The following CRACD variants were observed in gnomAD, a reference collection of about 807,000 sequenced individuals.
The protein encoded by CRACD is capping protein-inhibiting regulator of actin dynamics.
CRACD carries 56 observed loss-of-function variants against 106.8 expected under a neutral mutation model. The ratio of observed to expected loss-of-function variants is 0.52; its 90% CI spans 0.42 to 0.66. CRACD has a LOEUF of 0.66. CRACD is among the 30% of genes least tolerant of loss of function. CRACD has a pLI of 0.00. For missense variants in CRACD, 1,730 were observed against 1,623.2 expected, an observed-to-expected ratio of 1.07 and a Z score of -1.13; for synonymous variants, 754 against 670.8, an observed-to-expected ratio of 1.12 and a Z score of -1.92.
chr4:56,128,076 G>T (rs1190784142), intron 1 of CRACD, among the ~76,000 whole-genome samples: 1 of 152,002 alleles, frequency 6.6e-6, no homozygotes, highest in Non-Finnish European at 1.5e-5. Flanking sequence ...AAATAAAATG[G>T]GAGTCGTCAC....
At chr4:56,152,185 AT>A (rs1188846920) in intron 1 of CRACD, among the ~76,000 whole-genome samples, 2,167 of 132,756 alleles carry the variant, frequency 0.016, 33 homozygotes, top group African/African-American at 0.048. Flanking sequence ...AATTTTTTGT[AT>A]TTTTTTTTTT....
chr4:56,195,214 A>G (rs1338353071), intron 2 of CRACD, among the ~76,000 whole-genome samples: 1 of 152,146 alleles, frequency 6.6e-6, no homozygotes, highest in African/African-American at 2.4e-5. Flanking sequence ...AATACAAACA[A>G]CCAGCATTCC....
rs539395815 is a variant in CRACD at position 56,314,362 on chromosome 4, C to G, written c.860C>G (p.Pro287Arg). 1.9e-5 allele frequency: 30 copies of G among 1,547,304 alleles called. No homozygotes were observed. In the South Asian group the frequency reaches 3.6e-4, roughly 18 times the overall value. ...CCGCCTCTAGAGGCGGAAAGGGCGCCGCGGGAAGAGCAGCAGCGGAGCCTG... is the reference window on the plus strand; with the variant it reads ...CCGCCTCTAGAGGCGGAAAGGGCGCGGCGGGAAGAGCAGCAGCGGAGCCTG... The part of the protein sequence containing the change: ...QEPPLEAERA[P>R]REEQQRSLEA... Residue 287 changes from proline to arginine, a missense_variant, in exon 8 of 11, where the codon CCG (proline) becomes CGG (arginine). This residue lies in a region of CRACD where 1,620 missense variants were observed against 1,481.6 expected (regional missense o/e 1.09). Coordinates refer to ENST00000682029, the MANE Select transcript of CRACD (RefSeq NM_001393381.1). This position sits in a 1 kb window ranked among gnomAD's most constrained non-coding sequence, Gnocchi z 4.4.
chr4:56,238,751 A>AT (rs1054845362), intron 2 of CRACD, among the ~76,000 whole-genome samples: 3 of 152,012 alleles, frequency 2.0e-5, no homozygotes, highest in African/African-American at 7.2e-5. Context: ...TGCCAATCAG[A>AT]TTTTTTTTAA....
chr4:56,161,889 G>A (rs947468667), intron 1 of CRACD, among the ~76,000 whole-genome samples: 2 of 151,424 alleles, frequency 1.3e-5, no homozygotes, highest in African/African-American at 2.4e-5. Flanking sequence ...TCAGCCTCCC[G>A]ATTAGCTGGG....
intron 1 of CRACD, among the ~76,000 whole-genome samples, chr4:56,155,878 T>A (rs760825863): frequency 2.6e-5 from 4 of 152,224 alleles, no homozygotes; most frequent in Non-Finnish European, 5.9e-5. Context: ...TCTAAGGACC[T>A]GAGAATGTCT....
At chr4:56,111,720 A>G (rs1734129986) in intron 1 of CRACD, among the ~76,000 whole-genome samples, 1 of 151,966 alleles carries the variant, frequency 6.6e-6, no homozygotes, top group South Asian at 2.1e-4. Context: ...GGGTTTCTCC[A>G]TGTTGGCCAG....
At chr4:56,143,995 A>G (rs1735293428) in intron 1 of CRACD, among the ~76,000 whole-genome samples, 1 of 152,190 alleles carries the variant, frequency 6.6e-6, no homozygotes, top group South Asian at 2.1e-4. Context: ...TCTCTGTTAC[A>G]GAGTTGGAGA....
At position 56,323,419 on chromosome 4, in the gene CRACD, A is replaced by G. The variant is rs368469637; in HGVS notation, c.3230A>G (p.Lys1077Arg). ...AGCAGACACTCCTTAGATGGCTCCA[A>G]ACTTACAGAGAAAGTGGAAACTGCT... ...LQSRHSLDGS[K>R]LTEKVETAQP... The change falls in exon 9 of 11, where the codon AAA becomes AGA. Residue 1077 changes from lysine (K) to arginine (R), a missense_variant. By Grantham distance (26) the Lys-to-Arg change is conservative. Coordinates refer to ENST00000682029, the MANE Select transcript of CRACD (RefSeq NM_001393381.1). 9.9e-6 allele frequency: 16 copies of G among 1,611,448 alleles called. No homozygotes were observed. Among genetic ancestry groups the G allele is most frequent in the Admixed American group, 3.4e-5 (2 of 59,066 alleles).
chr4:56,225,332 G>C (rs1267028363), intron 2 of CRACD, among the ~76,000 whole-genome samples: 1 of 152,152 alleles, frequency 6.6e-6, no homozygotes, highest in Non-Finnish European at 1.5e-5. Flanking sequence ...GACCTCAGGT[G>C]ATCAACCCAC....
chr4:56,123,510 C>T (rs1734558933), intron 1 of CRACD, among the ~76,000 whole-genome samples: 1 of 152,212 alleles, frequency 6.6e-6, no homozygotes, highest in South Asian at 2.1e-4. Context: ...TCCCAGTTGC[C>T]TTCCAAAGCC....
chr4:56,059,098 T>C (rs1314583418), intron 1 of CRACD, among the ~76,000 whole-genome samples: 4 of 152,174 alleles, frequency 2.6e-5, no homozygotes, highest in Admixed American at 1.3e-4. Flanking sequence ...AATGGTTACC[T>C]TCAAGCAGGC....
At chr4:56,304,604 C>G (rs1416140916) in intron 4 of CRACD, among the ~76,000 whole-genome samples, 1 of 151,868 alleles carries the variant, frequency 6.6e-6, no homozygotes, top group Non-Finnish European at 1.5e-5. Context: ...ATAGCAAGAC[C>G]CCACCCACCT....
chr4:56,165,309 C>G (rs1371928287), intron 1 of CRACD, among the ~76,000 whole-genome samples: 1 of 152,186 alleles, frequency 6.6e-6, no homozygotes, highest in Non-Finnish European at 1.5e-5. Context: ...AGACAGAAAT[C>G]CCTGCTCCTC....
intron 1 of CRACD, among the ~76,000 whole-genome samples, chr4:56,143,060 A>C (rs538379604): frequency 6.6e-6 from 1 of 151,878 alleles, no homozygotes; most frequent in African/African-American, 2.4e-5. Flanking sequence ...TAGAACTATA[A>C]TATCTAATTC....
intron 1 of CRACD, among the ~76,000 whole-genome samples, chr4:56,062,610 G>T (rs887956981): frequency 6.6e-6 from 1 of 152,186 alleles, no homozygotes; most frequent in Admixed American, 6.5e-5. Context: ...TGTCCACAGT[G>T]TTGGGAAGCT....
chr4:56,061,942 G>A (rs1292991439), intron 1 of CRACD, among the ~76,000 whole-genome samples: 1 of 152,208 alleles, frequency 6.6e-6, no homozygotes, highest in African/African-American at 2.4e-5. Flanking sequence ...TTCCACCAAC[G>A]TGGTTGTTGA....
chr4:56,213,256 C>G (rs1443926081), intron 2 of CRACD, among the ~76,000 whole-genome samples: 1 of 152,122 alleles, frequency 6.6e-6, no homozygotes, highest in Non-Finnish European at 1.5e-5. Context: ...AGACCAGCCT[C>G]ACCAACATGG....
intron 1 of CRACD, among the ~76,000 whole-genome samples, chr4:56,090,056 A>G (rs1047918411): frequency 7.9e-5 from 12 of 152,138 alleles, no homozygotes; most frequent in African/African-American, 2.9e-4. Context: ...ACTACTCCTC[A>G]TGAGGGGATA....
Sources: allele counts gnomAD v4.1 joint callset (sites outside exome capture counted in the v4.1 genomes callset), GRCh38; gene constraint gnomAD v4.1.1; regional missense constraint gnomAD v4.1.1; non-coding constraint Gnocchi (gnomAD v3.1); transcripts MANE v1.5; gene names NCBI Gene and HGNC (gene_info 2026-07-23, HGNC 2026-07-21).